The following CNIH3 variants were observed in gnomAD, a reference collection of about 807,000 sequenced individuals.
The protein encoded by CNIH3 is cornichon family AMPA receptor auxiliary protein 3.
In CNIH3, 14 loss-of-function variants were observed where a neutral mutation model predicts 24.1. That is an observed-to-expected ratio of 0.58 (90% confidence interval 0.38 to 0.91). The LOEUF is 0.91. Ranked by LOEUF, CNIH3 falls within the 40% of genes least tolerant of loss-of-function variation. The probability of loss-of-function intolerance (pLI) is 0.00; values close to 1 mark genes in which losing one functional copy is unlikely to be tolerated. For missense variants in CNIH3, 178 were observed against 196.8 expected (o/e 0.90, Z 0.57); for synonymous variants, 68 against 73.8 (o/e 0.92, Z 0.40).
chr1:224,559,033 T>A (rs1324948000), intron 3 of CNIH3, among the ~76,000 whole-genome samples: 2 of 152,246 alleles, frequency 1.3e-5, no homozygotes, highest in Non-Finnish European at 2.9e-5. Flanking sequence ...AAGCACGCTT[T>A]GCAAACTGGT....
At chr1:224,691,675 T>C (rs539081293) in intron 3 of CNIH3, among the ~76,000 whole-genome samples, 1 of 152,344 alleles carries the variant, frequency 6.6e-6, no homozygotes, top group South Asian at 2.1e-4. Flanking sequence ...TTACATAACA[T>C]TCTCATGGCA....
chr1:224,645,642 C>T (rs1054249645), intron 1 of CNIH3, among the ~76,000 whole-genome samples: 4 of 152,214 alleles, frequency 2.6e-5, no homozygotes, highest in South Asian at 2.1e-4. Context: ...AGGCTCAGCC[C>T]GGAAGGCTGT....
At chr1:224,513,240 C>G (rs1055604302), upstream of CNIH3, among the ~76,000 whole-genome samples, 1 of 151,462 alleles carries the variant, frequency 6.6e-6, no homozygotes, top group Non-Finnish European at 1.5e-5. Flanking sequence ...CTCACAGCAG[C>G]CTAAACCTTC....
Position 224,709,148 on chromosome 1 carries a change from GTAAGTGTGGGCTCTCCCC to G in CNIH3, c.199-21302_199-21285del, listed in dbSNP as rs574326015. 8.9e-3 allele frequency among the ~76,000 whole-genome samples: 1,348 copies of G among 152,304 alleles called. 6 individuals carry two copies. Among genetic ancestry groups the G allele is most frequent in the Non-Finnish European group, 0.014 (947 of 68,018 alleles). ...GAGTGTGAGCCACTTGTGCTCCTGA[GTAAGTGTGGGCTCTCCCC>G]TAAGTGTGGGCCCTCCCCAGGGCTC... On this transcript the variant is annotated intron_variant, in intron 3 of 5. Coordinates refer to ENST00000272133, the MANE Select transcript of CNIH3 (RefSeq NM_152495.2).
intron 3 of CNIH3, among the ~76,000 whole-genome samples, chr1:224,709,447 G>A (rs1688009684): frequency 6.6e-6 from 1 of 152,200 alleles, no homozygotes; most frequent in Non-Finnish European, 1.5e-5. Context: ...GAGAGCCGAA[G>A]AACCATGTGG....
At chr1:224,589,509 C>T (rs563990866), downstream of CNIH3, among the ~76,000 whole-genome samples, 47 of 152,166 alleles carry the variant, frequency 3.1e-4, no homozygotes, top group Non-Finnish European at 5.1e-4. Flanking sequence ...AAGCTGACTC[C>T]TAGGGGGTTT....
intron 3 of CNIH3, among the ~76,000 whole-genome samples, chr1:224,718,389 C>T (rs1688541705): frequency 6.6e-6 from 1 of 152,072 alleles, no homozygotes; most frequent in African/African-American, 2.4e-5. Flanking sequence ...TCAAGTGTGG[C>T]TGGAGTGGAG....
chr1:224,677,993 A>AC (rs1362244497), intron 1 of CNIH3, among the ~76,000 whole-genome samples: 1 of 152,240 alleles, frequency 6.6e-6, no homozygotes, highest in African/African-American at 2.4e-5. Flanking sequence ...TGTCAGCCTT[A>AC]CAGGAGCTAG....
chr1:224,480,818 G>A (rs1436617841), intron 1 of CNIH3, among the ~76,000 whole-genome samples: 1 of 152,216 alleles, frequency 6.6e-6, no homozygotes, highest in East Asian at 1.9e-4. Context: ...CTCTGAGGAA[G>A]TTCCAAACTT....
At chr1:224,617,358 G>A in intron 1 of CNIH3, 103 bp downstream of exon 1, 5 of 1,282,062 alleles carry the variant, frequency 3.9e-6, no homozygotes, top group Non-Finnish European at 5.5e-6. Context: ...GAACCGGAAG[G>A]TTGGACCTTC....
At chr1:224,487,327 GTAAACAGATGGA>G (rs1677067527) in intron 1 of CNIH3, among the ~76,000 whole-genome samples, 1 of 152,220 alleles carries the variant, frequency 6.6e-6, no homozygotes, top group Non-Finnish European at 1.5e-5. Context: ...TGGACAGTTT[GTAAACAGATGGA>G]GAGAAGTGCT....
Position 224,704,561 on chromosome 1 carries a change from CA to C in CNIH3, c.198+19719del, listed in dbSNP as rs1245031720. Among the ~76,000 whole-genome samples the C allele has an allele frequency of 3.3e-5, 5 of 152,124 alleles. No individual in the cohort carries two copies. The highest frequency in any genetic ancestry group is 2.9e-5 in the Non-Finnish European group (2 of 68,024). On this transcript the variant is annotated intron_variant, in intron 3 of 5. Coordinates refer to ENST00000272133, the MANE Select transcript of CNIH3 (RefSeq NM_152495.2). The surrounding 1 kb of genome is among the most constrained non-coding windows in gnomAD (Gnocchi z 4.2). The stretch of plus-strand genomic sequence containing the variant: ...AAGATCCGCCGCTTATTCAGTTTGC[CA>C]CATTTGCCTTCTCAGCTCTTCCCCA...
At position 224,684,820 on chromosome 1, in the gene CNIH3, C is replaced by G. The variant is rs755612701; in HGVS notation, c.175C>G (p.Arg59Gly). The part of the protein sequence containing the change: ...HARERLRNIE[R>G]ICFLLRKLVL... ...GAGGGAACGGTTGAGGAACATCGAG[C>G]GCATCTGCTTCCTTCTGCGAAAGGT... is the stretch of plus-strand genomic sequence containing the variant. Residue 59 changes from arginine to glycine, a missense_variant, in exon 3 of 6, where the codon CGC (arginine) becomes GGC (glycine). Coordinates refer to ENST00000272133, the MANE Select transcript of CNIH3 (RefSeq NM_152495.2). This position sits in a 1 kb window ranked among gnomAD's most constrained non-coding sequence, Gnocchi z 4.2. 6.2e-7 allele frequency: 1 copy of G among 1,614,072 alleles called. No individual in the cohort carries two copies. Among genetic ancestry groups the G allele is most frequent in the Non-Finnish European group, 8.5e-7 (1 of 1,179,936 alleles).
At chr1:224,514,784 G>A (rs999444742), upstream of CNIH3, among the ~76,000 whole-genome samples, 38 of 152,298 alleles carry the variant, frequency 2.5e-4, no homozygotes, top group Admixed American at 9.1e-4. Context: ...GTGAGCCGTG[G>A]TCATGCCACC....
chr1:224,528,062 G>A (rs1179819311), intron 2 of CNIH3, among the ~76,000 whole-genome samples: 1 of 152,060 alleles, frequency 6.6e-6, no homozygotes. Flanking sequence ...AGGAGTTCAA[G>A]ACCAGAGTGG....
chr1:224,629,394 A>G (rs1490538686), intron 1 of CNIH3, among the ~76,000 whole-genome samples: 1 of 152,144 alleles, frequency 6.6e-6, no homozygotes, highest in Non-Finnish European at 1.5e-5. Context: ...CACCTTGGGC[A>G]CATGTTCTCA....
chr1:224,472,630 C>T (rs1676418579), intron 1 of CNIH3, among the ~76,000 whole-genome samples: 1 of 151,990 alleles, frequency 6.6e-6, no homozygotes, highest in African/African-American at 2.4e-5. Flanking sequence ...CTTTGGGGAC[C>T]TGGGGAAAAG....
chr1:224,543,219 T>C (rs1420984303), intron 2 of CNIH3, among the ~76,000 whole-genome samples: 1 of 152,134 alleles, frequency 6.6e-6, no homozygotes, highest in Non-Finnish European at 1.5e-5. Context: ...AGCTTCCTGG[T>C]TGGTGCTGGG....
intron 5 of CNIH3, among the ~76,000 whole-genome samples, chr1:224,738,686 C>T (rs1004665725): frequency 3.3e-5 from 5 of 152,150 alleles, no homozygotes; most frequent in Admixed American, 2.6e-4. Context: ...CCTTACTAAG[C>T]GCACAGGGAT....
Sources: gnomAD v4.1 joint callset for allele counts (sites outside exome capture counted in the v4.1 genomes callset) on GRCh38, gnomAD v4.1.1 for gene constraint, Gnocchi (gnomAD v3.1) non-coding constraint, MANE v1.5 for transcripts, NCBI Gene and HGNC (gene_info 2026-07-23, HGNC 2026-07-21) for gene names.